Variants in KIAA1217 observed in about 807,000 individuals in gnomAD.
The protein encoded by KIAA1217 is sickle tail protein homolog.
Under a neutral mutation model 163.9 loss-of-function variants are expected in KIAA1217, and 88 were observed. The observed-to-expected ratio is 0.54, with a 90% CI of 0.45 to 0.64. The LOEUF (loss-of-function observed/expected upper bound fraction) is 0.64. Among genes scored for constraint, KIAA1217 ranks in the 30% least tolerant of loss-of-function variants. The pLI, the probability that KIAA1217 is intolerant of heterozygous loss-of-function variation, is 0.00. For synonymous variants in KIAA1217, 903 were observed against 923.1 expected, an observed-to-expected ratio of 0.98 and a Z score of 0.39; for missense variants, 2,372 against 2,475.0, an observed-to-expected ratio of 0.96 and a Z score of 0.88.
At chr10:23,924,787 A>T (rs7087707) in intron 1 of KIAA1217, among the ~76,000 whole-genome samples, 20,267 of 152,160 alleles carry the variant, frequency 0.13, 2,740 homozygotes, top group African/African-American at 0.35. Context: ...AGTCTCCTTT[A>T]TGACACTGTT....
chr10:23,737,364 A>ATTTTTT (rs1193832069), intron 1 of KIAA1217, among the ~76,000 whole-genome samples: 1 of 126,534 alleles, frequency 7.9e-6, no homozygotes, highest in Non-Finnish European at 1.7e-5. Context: ...ATGCCTAGCT[A>ATTTTTT]ATTTTTTTTT....
At chr10:24,149,757 G>A (rs1345671278) in intron 2 of KIAA1217, among the ~76,000 whole-genome samples, 1 of 152,026 alleles carries the variant, frequency 6.6e-6, no homozygotes, top group African/African-American at 2.4e-5. Context: ...TATTTGTGAT[G>A]TTCTCAACAC....
In KIAA1217 at chr10:24,424,150, A is replaced by G. The variant is rs546104440; in HGVS notation, c.554-8845A>G. Among the ~76,000 whole-genome samples the G allele has an allele frequency of 3.3e-5, 5 of 152,060 alleles. No homozygotes were observed. In the South Asian group the frequency reaches 1.0e-3, roughly 32 times the overall value. On this transcript the variant is annotated intron_variant, in intron 3 of 20. Transcript: ENST00000376454. The stretch of plus-strand genomic sequence containing the variant: ...TTTTCTTCTTTGCAAGGCAATTGTC[A>G]TCATTCTGCTTTGTCACCTACTTTA...
At chr10:24,083,595 C>A (rs2061603486) in intron 2 of KIAA1217, among the ~76,000 whole-genome samples, 2 of 152,150 alleles carry the variant, frequency 1.3e-5, no homozygotes, top group East Asian at 1.9e-4. Context: ...CACTTCTTTG[C>A]AATGGAGAAA....
intron 16 of KIAA1217, among the ~76,000 whole-genome samples, chr10:24,534,806 G>A (rs1200154584): frequency 3.3e-5 from 5 of 150,746 alleles, no homozygotes; most frequent in African/African-American, 9.8e-5. Flanking sequence ...ACTTGGACCC[G>A]GGAGGTGGAA....
intron 1 of KIAA1217, among the ~76,000 whole-genome samples, chr10:23,934,527 TAAAG>T (rs1321503751): frequency 7.2e-5 from 9 of 125,716 alleles, no homozygotes; most frequent in South Asian, 2.6e-4. Context: ...TTAGAAGAAA[TAAAG>T]AAAAATATAT....
At chr10:24,011,297 A>G (rs1002726961) in intron 2 of KIAA1217, among the ~76,000 whole-genome samples, 2 of 151,990 alleles carry the variant, frequency 1.3e-5, no homozygotes, top group Admixed American at 6.6e-5. Flanking sequence ...ACTTGCCTGG[A>G]CAACATAGCG....
intron 1 of KIAA1217, among the ~76,000 whole-genome samples, chr10:23,725,371 G>A (rs1838079020): frequency 6.6e-6 from 1 of 152,204 alleles, no homozygotes; most frequent in African/African-American, 2.4e-5. Flanking sequence ...GGCAGTTTCA[G>A]CAGAAAGACT....
In KIAA1217 at chr10:23,906,458, GT is replaced by G. The variant is rs567132623; in HGVS notation, c.-320-100761del. Among the ~76,000 whole-genome samples the G allele has an allele frequency of 1.1e-4, 17 of 152,146 alleles. No individual in the cohort carries two copies. In the East Asian group the frequency reaches 3.3e-3, roughly 29 times the overall value. On this transcript the variant is annotated intron_variant, in intron 1 of 18. Transcript: ENST00000376462. ...AAATTTTATTTTGTAGATGGTCAGG[GT>G]TTTTTATTGTTATGTGTGTAAAACT...
chr10:24,192,463 C>T (rs1329541948), intron 2 of KIAA1217, among the ~76,000 whole-genome samples: 2 of 152,142 alleles, frequency 1.3e-5, no homozygotes, highest in Non-Finnish European at 2.9e-5. Flanking sequence ...GGGTAGTATG[C>T]TCTGGACCCC....
intron 14 of KIAA1217, among the ~76,000 whole-genome samples, chr10:24,530,096 A>G (rs1161458425): frequency 6.6e-6 from 1 of 152,050 alleles, no homozygotes; most frequent in Non-Finnish European, 1.5e-5. Context: ...CGGCCAGCTC[A>G]TCACATTTTT....
At chr10:24,046,731 G>A (rs963414350) in intron 2 of KIAA1217, among the ~76,000 whole-genome samples, 1 of 152,104 alleles carries the variant, frequency 6.6e-6, no homozygotes, top group African/African-American at 2.4e-5. Context: ...CAAAAGATTT[G>A]GATGGCAACA....
At chr10:24,178,752 A>G (rs1326640) in intron 2 of KIAA1217, among the ~76,000 whole-genome samples, 152,344 of 152,358 alleles carry the variant, frequency 1, 76,165 homozygotes, top group Middle Eastern at 1. Context: ...GTGATATGAC[A>G]TACATTTCAC....
chr10:24,029,651 A>G (rs1157607864), intron 2 of KIAA1217, among the ~76,000 whole-genome samples: 1 of 152,194 alleles, frequency 6.6e-6, no homozygotes, highest in South Asian at 2.1e-4. Context: ...TCAAGAAAGA[A>G]GTAATCTCCA....
At chr10:23,995,573 A>G (rs919846700) in intron 1 of KIAA1217, among the ~76,000 whole-genome samples, 1 of 151,746 alleles carries the variant, frequency 6.6e-6, no homozygotes, top group Non-Finnish European at 1.5e-5. Context: ...TTGAGTTTTC[A>G]TTATTTCCTA....
At chr10:24,231,131 T>C (rs1335114404) in intron 2 of KIAA1217, among the ~76,000 whole-genome samples, 1 of 152,134 alleles carries the variant, frequency 6.6e-6, no homozygotes, top group East Asian at 1.9e-4. Context: ...GGATTTGCCT[T>C]TAATAATTTG....
intron 2 of KIAA1217, among the ~76,000 whole-genome samples, chr10:24,258,889 G>A (rs1288122614): frequency 1.3e-5 from 2 of 152,104 alleles, no homozygotes; most frequent in Non-Finnish European, 2.9e-5. Context: ...CACCGCGCCC[G>A]GCCGGCTTAC....
intron 1 of KIAA1217, among the ~76,000 whole-genome samples, chr10:23,932,710 A>G (rs190222510): frequency 0.01 from 1,523 of 152,298 alleles, 15 homozygotes; most frequent in Non-Finnish European, 0.015. Context: ...TGAGTTCTGA[A>G]GTCCTGAGAT....
chr10:24,183,250 T>A (rs2066265295), intron 2 of KIAA1217, among the ~76,000 whole-genome samples: 1 of 152,214 alleles, frequency 6.6e-6, no homozygotes. Flanking sequence ...ACCTCTTTTC[T>A]CTATAAATTA....
Sources: allele counts gnomAD v4.1 joint callset (sites outside exome capture counted in the v4.1 genomes callset), GRCh38; gene constraint gnomAD v4.1.1; transcripts MANE v1.5; gene names NCBI Gene and HGNC (gene_info 2026-07-23, HGNC 2026-07-21).